TNRC18: variants seen among roughly 807,000 people sequenced by gnomAD.
TNRC18 encodes the protein trinucleotide repeat-containing gene 18 protein.
A neutral mutation model predicts 226.7 loss-of-function variants in TNRC18; 69 were observed. The ratio of observed to expected loss-of-function variants is 0.30; its 90% CI spans 0.25 to 0.37. The LOEUF is 0.37. Ranked by LOEUF, TNRC18 falls within the 10% of genes least tolerant of loss-of-function variation. The pLI is 1.00. For synonymous variants in TNRC18, 2,449 were observed against 1,927.6 expected (o/e 1.27, Z -7.09); for missense variants, 4,754 against 4,256.6 (o/e 1.12, Z -3.25).
intron 11 of TNRC18, 149 bp from the exon 12 acceptor site, chr7:5,362,974 C>A: frequency 2.6e-6 from 2 of 776,978 alleles, no homozygotes; most frequent in Non-Finnish European, 3.8e-6. Context: ...TGTGACATGC[C>A]GGAAGTCCTG....
intron 2 of TNRC18, among the ~76,000 whole-genome samples, chr7:5,419,036 C>T (rs1782369886): frequency 6.6e-6 from 1 of 152,240 alleles, no homozygotes; most frequent in African/African-American, 2.4e-5. Flanking sequence ...TCCTCCCCGA[C>T]CTCAGCCTCG....
At chr7:5,349,736 T>C (rs1317995517) in intron 17 of TNRC18, among the ~76,000 whole-genome samples, 1 of 152,092 alleles carries the variant, frequency 6.6e-6, no homozygotes, top group East Asian at 1.9e-4. Context: ...CAAAGCGTCA[T>C]GGGGAGGGGT....
rs564453931 is a variant in TNRC18 at position 5,319,790 on chromosome 7, A to G, written c.6745+528T>C. ...CTCCCAAAGTGCTGGGATTACAGGCATGAGCCACCACATCCAGCCTCATTC... is the reference window on the plus strand; with the variant it reads ...CTCCCAAAGTGCTGGGATTACAGGCGTGAGCCACCACATCCAGCCTCATTC... On this transcript the variant is annotated intron_variant, in intron 24 of 29. Coordinates refer to ENST00000430969, the MANE Select transcript of TNRC18 (RefSeq NM_001080495.3). Among the ~76,000 whole-genome samples the G allele has an allele frequency of 7.2e-5, 11 of 152,262 alleles. No individual in the cohort carries two copies. In the South Asian group the frequency reaches 2.1e-3, roughly 29 times the overall value.
chr7:5,390,093 A>C, intron 4 of TNRC18: 1 of 351,036 alleles, frequency 2.8e-6, no homozygotes, highest in South Asian at 1.1e-4. Flanking sequence ...TTAGGCCACA[A>C]TGGCTCACAT....
intron 5 of TNRC18, among the ~76,000 whole-genome samples, chr7:5,386,197 A>G (rs1779777167): frequency 6.6e-6 from 1 of 151,842 alleles, no homozygotes. Context: ...CTGAGGCAGG[A>G]GAATCGCTTG....
At chr7:5,398,821 A>G (rs1335605420) in intron 2 of TNRC18, among the ~76,000 whole-genome samples, 33 of 126,272 alleles carry the variant, frequency 2.6e-4, no homozygotes, top group East Asian at 7.9e-4. Flanking sequence ...ATGGGGTCTT[A>G]CTATGTTGCC....
intron 2 of TNRC18, among the ~76,000 whole-genome samples, chr7:5,399,249 G>C (rs1329574826): frequency 6.6e-6 from 1 of 152,120 alleles, no homozygotes; most frequent in Non-Finnish European, 1.5e-5. Context: ...CCTCTCGAAA[G>C]ACTTGACTGG....
In TNRC18 at chr7:5,394,337, C is replaced by G. The variant is rs867528323; in HGVS notation, c.343+103G>C. On this transcript the variant is annotated intron_variant, in intron 3 of 29. Transcript: ENST00000430969. The surrounding 1 kb of genome is among the most constrained non-coding windows in gnomAD (Gnocchi z 4.5). The stretch of plus-strand genomic sequence containing the variant: ...GGAAGCCAGGTGACCTGGGACCCAC[C>G]AGCCCCAGCTCAGCGATGACAACAG... The G allele has an allele frequency of 1.7e-6, 2 of 1,168,722 alleles. No homozygotes were observed. Among genetic ancestry groups the G allele is most frequent in the Admixed American group, 7.2e-5 (2 of 27,918 alleles). 72.4% of individuals were successfully genotyped at this position (1,168,722 alleles called of 1,614,324 possible).
chr7:5,396,899 G>A (rs1780727848), intron 2 of TNRC18, among the ~76,000 whole-genome samples: 1 of 152,180 alleles, frequency 6.6e-6, no homozygotes, highest in Admixed American at 6.5e-5. Flanking sequence ...GTATACAAGT[G>A]CTCACTGACC....
intron 18 of TNRC18, among the ~76,000 whole-genome samples, chr7:5,338,587 C>G (rs1421803296): frequency 4.9e-5 from 7 of 142,792 alleles, no homozygotes; most frequent in Non-Finnish European, 1.1e-4. Context: ...GATTGTGTCA[C>G]TGCACTCCAG....
At chr7:5,373,700 T>C (rs1794368724) in intron 10 of TNRC18, among the ~76,000 whole-genome samples, 1 of 152,130 alleles carries the variant, frequency 6.6e-6, no homozygotes, top group African/African-American at 2.4e-5. Context: ...GGGGGAAAGC[T>C]GCCCAGAATG....
At chr7:5,381,948 A>C (rs557576413) in intron 5 of TNRC18, among the ~76,000 whole-genome samples, 11 of 152,332 alleles carry the variant, frequency 7.2e-5, no homozygotes, top group African/African-American at 2.6e-4. Flanking sequence ...CCTGGGCGAC[A>C]GAGTGAGACT....
chr7:5,412,483 G>A (rs894684146), intron 2 of TNRC18, among the ~76,000 whole-genome samples: 4 of 152,022 alleles, frequency 2.6e-5, no homozygotes, highest in African/African-American at 9.7e-5. Context: ...GGCTGAGGCA[G>A]GAGAATCGCT....
chr7:5,414,818 T>G (rs141819448), intron 2 of TNRC18, among the ~76,000 whole-genome samples: 2 of 152,222 alleles, frequency 1.3e-5, no homozygotes, highest in African/African-American at 2.4e-5. Context: ...TATCAACTAA[T>G]CTACAGTCCA....
chr7:5,385,913 G>A (rs185254180), intron 5 of TNRC18, among the ~76,000 whole-genome samples: 15 of 151,172 alleles, frequency 9.9e-5, no homozygotes, highest in African/African-American at 3.4e-4. Flanking sequence ...AACCCAGGAG[G>A]CGGAGGTTGC....
rs749942884 is a variant in TNRC18, at chr7:5,309,330, G to A, written c.8427C>T (p.Tyr2809=). ...GMKGKARKLF[Y]KAIVRGKEMI... ...TCTCCTTGCCGCGCACGATGGCCTT[G>A]TAGAAGAGCTTGCGGGCCTTGCCCT... Residue 2809 remains tyrosine (Y), a synonymous_variant, in exon 28 of 30, where the codon TAC becomes TAT. Coordinates refer to ENST00000430969, the MANE Select transcript of TNRC18 (RefSeq NM_001080495.3). This position sits in a 1 kb window ranked among gnomAD's most constrained non-coding sequence, Gnocchi z 5.7. 1.3e-4 allele frequency: 217 copies of A among 1,613,872 alleles called. 3 individuals are homozygous for A. In the Middle Eastern group the frequency reaches 6.4e-3, roughly 48 times the overall value.
At position 5,314,999 on chromosome 7, in the gene TNRC18, C is replaced by A. The variant is rs769607538; in HGVS notation, c.7012G>T (p.Ala2338Ser). 5.0e-6 allele frequency: 8 copies of A among 1,606,476 alleles called. No individual in the cohort carries two copies. The South Asian group carries it at 6.7e-5, about 14-fold the overall frequency. ...GCCAACCTACCACCCTTGGCCTTGG[C>A]GCTGGGTTTCCGCCCACGCCCACGG... ...KARGRGRKPS[A>S]KAKGDRAATL... Residue 2338 changes from alanine to serine, a missense_variant, in exon 26 of 30, where the codon GCC becomes TCC. By Grantham distance (99) the Ala-to-Ser change is moderately conservative. Transcript: ENST00000430969.
Position 5,390,715 on chromosome 7 carries a change from T to C in TNRC18, c.344-87A>G, listed in dbSNP as rs142141827. On this transcript the variant is annotated intron_variant, in intron 3 of 29. Coordinates refer to ENST00000430969, the MANE Select transcript of TNRC18 (RefSeq NM_001080495.3). ...TCCAGCTCCTGGAAATAAACTATTTTGGCAGCCGACCGCTGGTACAGGGCG... is the reference window on the plus strand; with the variant it reads ...TCCAGCTCCTGGAAATAAACTATTTCGGCAGCCGACCGCTGGTACAGGGCG... The C allele has an allele frequency of 1.6e-4, 224 of 1,419,164 alleles. No homozygotes were observed. The African/African-American group carries it at 2.6e-3, about 16-fold the overall frequency. 87.9% of individuals were successfully genotyped at this position (1,419,164 alleles called of 1,614,324 possible).
chr7:5,383,957 A>ATTTTTTTT lies in TNRC18; in HGVS notation c.2152+3707_2152+3714dup, dbSNP rs765430615. ...ACAGGCACACCAGCATACCCGGGTG[A>ATTTTTTTT]TTTTTTTTTTTTTTTTTTTTTTTTT... is the stretch of plus-strand genomic sequence containing the variant. On this transcript the variant is annotated intron_variant, in intron 5 of 29. Coordinates refer to ENST00000430969, the MANE Select transcript of TNRC18 (RefSeq NM_001080495.3). Among the ~76,000 whole-genome samples, 9 of 78,792 alleles carry ATTTTTTTT rather than the reference A, an allele frequency of 1.1e-4. 1 individual carries two copies. The highest frequency in any genetic ancestry group is 4.4e-4 in the East Asian group (1 of 2,252). The allele number at this position is 78,792 out of a possible 152,430, so 51.7% of individuals were successfully genotyped here.
Sources: gnomAD v4.1 joint callset for allele counts (sites outside exome capture counted in the v4.1 genomes callset) on GRCh38, gnomAD v4.1.1 for gene constraint, Gnocchi (gnomAD v3.1) non-coding constraint, MANE v1.5 for transcripts, NCBI Gene and HGNC (gene_info 2026-07-23, HGNC 2026-07-21) for gene names.